The following TMEM255B variants were observed in gnomAD, a reference collection of about 807,000 sequenced individuals.
TMEM255B encodes transmembrane protein 255B, also known as family with sequence similarity 70, member B.
Under a neutral mutation model 34.5 loss-of-function variants are expected in TMEM255B, and 35 were observed. That is an observed-to-expected ratio of 1.01 (90% confidence interval 0.77 to 1.34). The LOEUF is 1.34. Ranked by LOEUF, TMEM255B falls within the 40% of genes most tolerant of loss-of-function variation. TMEM255B has a pLI of 0.00. For synonymous variants in TMEM255B, 206 were observed against 201.2 expected, an observed-to-expected ratio of 1.02 and a Z score of -0.20; for missense variants, 432 against 433.2, an observed-to-expected ratio of 1.00 and a Z score of 0.02.
intron 3 of TMEM255B, among the ~76,000 whole-genome samples, chr13:113,792,784 C>T (rs1213762487): frequency 6.6e-6 from 1 of 152,258 alleles, no homozygotes; most frequent in African/African-American, 2.4e-5. Flanking sequence ...GCTTTTGGTT[C>T]AGACCCAGGC....
rs1038973457 is a variant in TMEM255B, at chr13:113,815,685, T to C, written c.*3782T>C. ...TGATTCTGAGGCCTCCCCAACCATG[T>C]GCAATTGTAAGTCCCGTTAAACCTC... is the stretch of plus-strand genomic sequence containing the variant. On this transcript the variant is annotated 3_prime_UTR_variant, in exon 9 of 9. Transcript: ENST00000375353. 2.0e-5 allele frequency: 3 copies of C among 152,942 alleles called. No homozygotes were observed. Among genetic ancestry groups the C allele is most frequent in the Non-Finnish European group, 4.4e-5 (3 of 68,570 alleles). 9.5% of individuals were successfully genotyped at this position (152,942 alleles called of 1,614,324 possible). A position where few individuals can be genotyped will look rare whatever the true frequency, so the allele number is the denominator to read the frequency against.
In TMEM255B at chr13:113,812,901, A is replaced by ACAGGCCCCGGGTGG. The variant is rs1566341678; in HGVS notation, c.*998_*999insCAGGCCCCGGGTGG. 5.3e-5 allele frequency: 6 copies of ACAGGCCCCGGGTGG among 112,636 alleles called. No homozygotes were observed. The highest frequency in any genetic ancestry group is 5.2e-4 in the East Asian group (2 of 3,820). The allele number at this position is 112,636 out of a possible 1,614,324, so 7.0% of individuals were successfully genotyped here. On this transcript the variant is annotated 3_prime_UTR_variant, in exon 9 of 9. Coordinates refer to ENST00000375353, the MANE Select transcript of TMEM255B (RefSeq NM_182614.4). ...CCGAGTGGGTCACAGGCCCCGGGTG[A>ACAGGCCCCGGGTGG]GTCACAGGCCCCGGGTGAGTCACGG...
Position 113,775,774 on chromosome 13 carries a change from C to G in TMEM255B, c.252+6614C>G, listed in dbSNP as rs559962471. Among the ~76,000 whole-genome samples, 260 of 152,356 alleles carry G rather than the reference C, an allele frequency of 1.7e-3. 1 individual carries two copies. Among genetic ancestry groups the G allele is most frequent in the South Asian group, 0.014 (69 of 4,820 alleles). On this transcript the variant is annotated intron_variant, in intron 3 of 8. Transcript: ENST00000375353. ...CCTGCCGGGCCCACAGCCTCACCAC[C>G]GAGGCCTCTTTCCCTGAAGCTCCTG...
chr13:113,784,745 A>C (rs1439806655), intron 3 of TMEM255B, among the ~76,000 whole-genome samples: 3 of 152,018 alleles, frequency 2.0e-5, no homozygotes, highest in African/African-American at 7.3e-5. Flanking sequence ...CTCAGAAAGT[A>C]AAGTGAGAGA....
At chr13:113,801,918 G>T in intron 7 of TMEM255B, 106 bp downstream of exon 7, 1 of 1,283,304 alleles carries the variant, frequency 7.8e-7, no homozygotes, top group East Asian at 2.6e-5. Flanking sequence ...TACAGATGGG[G>T]CACTGAAGCC....
At chr13:113,766,400 C>A in intron 2 of TMEM255B, 143 bp downstream of exon 2, 1 of 1,182,232 alleles carries the variant, frequency 8.5e-7, no homozygotes, top group Non-Finnish European at 1.2e-6. Flanking sequence ...AGGGTTATGG[C>A]CCCCACAGAC....
At chr13:113,786,758 A>G (rs987082573) in intron 3 of TMEM255B, among the ~76,000 whole-genome samples, 1 of 152,184 alleles carries the variant, frequency 6.6e-6, no homozygotes, top group African/African-American at 2.4e-5. Flanking sequence ...CCTGGCATCC[A>G]CGTCAGAGAG....
In TMEM255B at chr13:113,771,698, G is replaced by GATA. The variant is rs995771009; in HGVS notation, c.252+2553_252+2555dup. ...TGTCTCAAATAATAATAATAACAAT[G>GATA]ATAATAATAATAATAATCCACTGTA... On this transcript the variant is annotated intron_variant, in intron 3 of 8. Coordinates refer to ENST00000375353, the MANE Select transcript of TMEM255B (RefSeq NM_182614.4). 3.2e-3 allele frequency among the ~76,000 whole-genome samples: 492 copies of GATA among 151,918 alleles called. 15 individuals carry two copies. The highest frequency in any genetic ancestry group is 0.029 in the Admixed American group (435 of 15,248).
chr13:113,801,553 C>T, intron 6 of TMEM255B, 100 bp from the exon 7 acceptor site: 1 of 1,368,802 alleles, frequency 7.3e-7, no homozygotes, highest in Non-Finnish European at 9.7e-7. Flanking sequence ...CCCTGATTTC[C>T]TCCCCCAGCC....
chr13:113,807,776 A>G (rs925360271), intron 8 of TMEM255B, among the ~76,000 whole-genome samples: 1 of 123,180 alleles, frequency 8.1e-6, no homozygotes, highest in African/African-American at 3.2e-5. Flanking sequence ...ACGCAGGCTT[A>G]CGGGATGTGG....
At chr13:113,805,833 C>T (rs548750293) in intron 8 of TMEM255B, among the ~76,000 whole-genome samples, 15 of 152,278 alleles carry the variant, frequency 9.9e-5, no homozygotes, top group African/African-American at 3.4e-4. Context: ...TCCTGATAAA[C>T]GTGGGCTTCC....
intron 5 of TMEM255B, chr13:113,800,200 G>GGA (rs1471445856): frequency 9.3e-6 from 1 of 107,530 alleles, no homozygotes; most frequent in African/African-American, 4.2e-5. Flanking sequence ...TGTGTGGGGG[G>GGA]GGGTAGGCGG....
intron 4 of TMEM255B, among the ~76,000 whole-genome samples, chr13:113,797,308 T>C (rs1389506488): frequency 1.3e-5 from 2 of 152,174 alleles, no homozygotes; most frequent in Non-Finnish European, 2.9e-5. Flanking sequence ...TCGAGGAAAA[T>C]GTGGCACTGC....
rs577507238 is a variant in TMEM255B, at chr13:113,804,192, G to A, written c.670-693G>A. 2.6e-5 allele frequency among the ~76,000 whole-genome samples: 4 copies of A among 152,354 alleles called. No homozygotes were observed. In the East Asian group the frequency reaches 7.7e-4, roughly 29 times the overall value. On this transcript the variant is annotated intron_variant, in intron 7 of 8. Transcript: ENST00000375353. Reference sequence around the variant, plus strand: ...CCTCCCTCTGTAGGGGATGAGGCCGGCCGGGGCCTGAGTTGGAGCCAGCAC... The same window carrying A: ...CCTCCCTCTGTAGGGGATGAGGCCGACCGGGGCCTGAGTTGGAGCCAGCAC...
At chr13:113,774,691 G>GAC (rs374008919) in intron 3 of TMEM255B, among the ~76,000 whole-genome samples, 1 of 104,592 alleles carries the variant, frequency 9.6e-6, no homozygotes, top group South Asian at 3.2e-4. Context: ...CACCACACAT[G>GAC]ACACACACAC....
intron 3 of TMEM255B, among the ~76,000 whole-genome samples, chr13:113,773,993 CTT>C (rs2050517732): frequency 6.6e-6 from 1 of 152,164 alleles, no homozygotes; most frequent in African/African-American, 2.4e-5. Context: ...CACGTGAACA[CTT>C]TTTTCTCAAT....
rs878993220 is a variant in TMEM255B at position 113,795,362 on chromosome 13, G to A, written c.342+125G>A. 2.4e-5 allele frequency: 24 copies of A among 996,298 alleles called. No individual in the cohort carries two copies. In the South Asian group the frequency reaches 2.9e-4, roughly 12 times the overall value. 61.7% of individuals were successfully genotyped at this position (996,298 alleles called of 1,614,324 possible). A position where few individuals can be genotyped will look rare whatever the true frequency, so the allele number is the denominator to read the frequency against. On this transcript the variant is annotated intron_variant, in intron 4 of 8. Coordinates refer to ENST00000375353, the MANE Select transcript of TMEM255B (RefSeq NM_182614.4). ...TTCACCGTCAGTCTCCACGCTGGGG[G>A]TTGCCAGTGACTGTCTCTCCTCTCA...
chr13:113,766,149 G>A lies in TMEM255B; in HGVS notation c.81G>A (p.Trp27Ter). Residue 27 changes from tryptophan to a stop codon, truncating the protein, a stop_gained, in exon 2 of 9, where the codon TGG (tryptophan) becomes TGA (stop). Coordinates refer to ENST00000375353, the MANE Select transcript of TMEM255B (RefSeq NM_182614.4). LOFTEE classifies it high-confidence loss of function. ...GLSRRKKTSLWFVGSLLLVSV... is the reference protein window; with the variant it reads ...GLSRRKKTSL ...CGAGGAGGAAGAAGACGTCGCTCTG[G>A]TTTGTGGGGTCTCTGCTGCTGGTGT... is the stretch of plus-strand genomic sequence containing the variant. The A allele has an allele frequency of 1.2e-6, 2 of 1,614,244 alleles. No homozygotes were observed. The highest frequency in any genetic ancestry group is 2.7e-5 in the African/African-American group (2 of 75,076).
intron 8 of TMEM255B, among the ~76,000 whole-genome samples, chr13:113,805,462 T>C (rs114420761): frequency 6.6e-6 from 1 of 152,248 alleles, no homozygotes; most frequent in Non-Finnish European, 1.5e-5. Flanking sequence ...CCTGACATGA[T>C]GCTATTGACC....
Sources: allele counts gnomAD v4.1 joint callset (sites outside exome capture counted in the v4.1 genomes callset), GRCh38; gene constraint gnomAD v4.1.1; transcripts MANE v1.5; gene names NCBI Gene and HGNC (gene_info 2026-07-23, HGNC 2026-07-21).